Variants in GALNT2 observed in about 807,000 individuals in gnomAD.
The protein encoded by GALNT2 is polypeptide N-acetylgalactosaminyltransferase 2.
GALNT2 carries 31 observed loss-of-function variants against 81.4 expected under a neutral mutation model. That is an observed-to-expected ratio of 0.38 (90% CI 0.29 to 0.51). GALNT2 has a LOEUF of 0.51. Ranked by LOEUF, GALNT2 falls within the 20% of genes least tolerant of loss-of-function variation. The pLI, the probability that GALNT2 is intolerant of heterozygous loss-of-function variation, is 0.87. For missense variants in GALNT2, 629 were observed against 765.7 expected, an observed-to-expected ratio of 0.82 and a Z score of 2.11; for synonymous variants, 303 against 287.4, an observed-to-expected ratio of 1.05 and a Z score of -0.55.
chr1:230,141,497 T>A (rs1182641558), intron 1 of GALNT2, among the ~76,000 whole-genome samples: 1 of 152,158 alleles, frequency 6.6e-6, no homozygotes, highest in African/African-American at 2.4e-5. Context: ...TCTGTCTTCA[T>A]GAATTTGACT....
chr1:230,167,961 A>ACCC (rs5781575), intron 1 of GALNT2, among the ~76,000 whole-genome samples: 113 of 151,614 alleles, frequency 7.5e-4, no homozygotes, highest in Middle Eastern at 6.8e-3. Flanking sequence ...TTTCTAAAAT[A>ACCC]CCCCCCCCTT....
intron 3 of GALNT2, among the ~76,000 whole-genome samples, chr1:230,220,275 GTTTTTGT>G (rs555236732): frequency 5.8e-4 from 57 of 97,670 alleles, no homozygotes; most frequent in African/African-American, 3.7e-3. Flanking sequence ...TTTCCAAGGT[GTTTTTGT>G]TTTTTTTTTT....
At chr1:230,252,843 C>CTTTT (rs58544942) in intron 10 of GALNT2, among the ~76,000 whole-genome samples, 983 of 78,910 alleles carry the variant, frequency 0.012, 152 homozygotes, top group East Asian at 0.12. Context: ...GAGACAACTT[C>CTTTT]TTTTTTTTTT....
intron 1 of GALNT2, among the ~76,000 whole-genome samples, chr1:230,148,209 A>G (rs1396116677): frequency 6.6e-6 from 1 of 152,182 alleles, no homozygotes; most frequent in East Asian, 1.9e-4. Flanking sequence ...AGGGCTGCCC[A>G]CCGGCACAAC....
At position 230,280,304 on chromosome 1, in the gene GALNT2, C is replaced by T. The variant is rs1666402427; in HGVS notation, c.*846C>T. ...GACCACCGGCCTCGGCCCCGGCATCCCTGTTGGGCGTCAGCCTGAGAGTCC... is the reference window on the plus strand; with the variant it reads ...GACCACCGGCCTCGGCCCCGGCATCTCTGTTGGGCGTCAGCCTGAGAGTCC... On this transcript the variant is annotated 3_prime_UTR_variant, in exon 16 of 16. Transcript: ENST00000366672. The T allele has an allele frequency of 2.3e-5, 7 of 298,770 alleles. No homozygotes were observed. Among genetic ancestry groups the T allele is most frequent in the South Asian group, 9.9e-5 (3 of 30,156 alleles). The allele number at this position is 298,770 out of a possible 1,614,324, so 18.5% of individuals were successfully genotyped here.
chr1:230,264,278 A>G (rs1043023892), intron 13 of GALNT2: 1 of 152,246 alleles, frequency 6.6e-6, no homozygotes, highest in African/African-American at 2.4e-5. Context: ...GTGTCCCTAT[A>G]CAACAGATTC....
chr1:230,082,512 A>G (rs1571939494), intron 1 of GALNT2, among the ~76,000 whole-genome samples: 1 of 152,342 alleles, frequency 6.6e-6, no homozygotes, highest in East Asian at 1.9e-4. Flanking sequence ...CCAATGTGCC[A>G]TTCCTCCTGC....
At position 230,208,613 on chromosome 1, in the gene GALNT2, G is replaced by A. The variant is rs142573065; in HGVS notation, c.374+5323G>A. ...TGGATGCAGACAGAAGAGGCCCAAG[G>A]CCTGAGCCCTGGACGATTCCAACAT... On this transcript the variant is annotated intron_variant, in intron 3 of 15. Transcript: ENST00000366672. Among the ~76,000 whole-genome samples, 18 of 152,374 alleles carry A rather than the reference G, an allele frequency of 1.2e-4. No individual in the cohort carries two copies. In the East Asian group the frequency reaches 3.5e-3, roughly 29 times the overall value.
chr1:230,202,864 G>A (rs1314882230), intron 2 of GALNT2, among the ~76,000 whole-genome samples: 1 of 152,198 alleles, frequency 6.6e-6, no homozygotes, highest in Non-Finnish European at 1.5e-5. Context: ...ACAGTTACAG[G>A]TACTTTGATC....
At chr1:230,104,735 C>T (rs2102781952) in intron 1 of GALNT2, among the ~76,000 whole-genome samples, 1 of 152,238 alleles carries the variant, frequency 6.6e-6, no homozygotes, top group East Asian at 1.9e-4. Flanking sequence ...CCCGTTCCTT[C>T]CCTGGATCTC....
In GALNT2 at chr1:230,249,245, G is replaced by A; in HGVS notation, c.879G>A (p.Arg293=). The A allele has an allele frequency of 6.2e-7, 1 of 1,614,112 alleles. No homozygotes were observed. Among genetic ancestry groups the A allele is most frequent in the Non-Finnish European group, 8.5e-7 (1 of 1,179,994 alleles). Residue 293 remains arginine (R), a synonymous_variant, in exon 9 of 16, where the codon CGG becomes CGA. Transcript: ENST00000366672. ...DYMTPEQRRS[R]QGNPVAPIKT... is the part of the protein sequence containing the mutation. ...TGACGCCTGAGCAGAGAAGGTCCCG[G>A]CAGGGGAACCCAGTCGCCCCTATAA...
chr1:230,191,876 C>T (rs185276510), intron 2 of GALNT2, among the ~76,000 whole-genome samples: 1 of 152,358 alleles, frequency 6.6e-6, no homozygotes, highest in East Asian at 1.9e-4. Flanking sequence ...TCCAGTGAAA[C>T]AGCTGCCTTT....
intron 3 of GALNT2, among the ~76,000 whole-genome samples, chr1:230,217,294 C>G (rs1392158113): frequency 6.6e-6 from 1 of 152,090 alleles, no homozygotes; most frequent in Non-Finnish European, 1.5e-5. Flanking sequence ...GGTGTTTAGG[C>G]AAAGACCTGA....
At chr1:230,162,656 T>C (rs1344961224) in intron 1 of GALNT2, among the ~76,000 whole-genome samples, 2 of 152,188 alleles carry the variant, frequency 1.3e-5, no homozygotes, top group African/African-American at 4.8e-5. Flanking sequence ...CCCTCTGCCT[T>C]GCTATGTAAA....
At chr1:230,129,611 C>T (rs1376600714) in intron 1 of GALNT2, among the ~76,000 whole-genome samples, 1 of 152,200 alleles carries the variant, frequency 6.6e-6, no homozygotes, top group Non-Finnish European at 1.5e-5. Context: ...TGAACCACTG[C>T]ACCTGGCTCA....
intron 1 of GALNT2, among the ~76,000 whole-genome samples, chr1:230,176,181 C>T (rs1263867977): frequency 6.6e-6 from 1 of 151,986 alleles, no homozygotes; most frequent in Non-Finnish European, 1.5e-5. Flanking sequence ...AGTGCTCACC[C>T]TGCACTAGTT....
intron 11 of GALNT2, among the ~76,000 whole-genome samples, chr1:230,260,814 T>C (rs993693387): frequency 6.6e-6 from 1 of 152,236 alleles, no homozygotes; most frequent in Non-Finnish European, 1.5e-5. Flanking sequence ...TTCATCAGTC[T>C]CATCACCAAA....
chr1:230,212,738 A>G (rs1254877106), intron 3 of GALNT2, among the ~76,000 whole-genome samples: 3 of 152,176 alleles, frequency 2.0e-5, no homozygotes, highest in African/African-American at 7.2e-5. Context: ...CCATGTCATT[A>G]TTCATCAGCG....
intron 3 of GALNT2, among the ~76,000 whole-genome samples, chr1:230,216,427 G>C (rs368181423): frequency 1.7e-4 from 26 of 152,172 alleles, no homozygotes; most frequent in Admixed American, 9.8e-4. Flanking sequence ...ACACCGATCT[G>C]TTCACTGGTG....
Sources: gnomAD v4.1 joint callset for allele counts (sites outside exome capture counted in the v4.1 genomes callset) on GRCh38, gnomAD v4.1.1 for gene constraint, MANE v1.5 for transcripts, NCBI Gene and HGNC (gene_info 2026-07-23, HGNC 2026-07-21) for gene names.